Variants in ESRRB observed in about 807,000 individuals in gnomAD.
ESRRB encodes the protein steroid hormone receptor ERR2.
Under a neutral mutation model 46.0 loss-of-function variants are expected in ESRRB, and 16 were observed. The ratio of observed to expected loss-of-function variants is 0.35; its 90% CI spans 0.24 to 0.53. The LOEUF is 0.53. Among genes scored for constraint, ESRRB ranks in the 20% least tolerant of loss-of-function variants. ESRRB has a pLI of 0.93. For synonymous variants in ESRRB, 246 were observed against 259.6 expected (o/e 0.95, Z 0.50); for missense variants, 488 against 607.4 (o/e 0.80, Z 2.07).
At chr14:76,324,162 C>T (rs571623881) in intron 1 of ESRRB, among the ~76,000 whole-genome samples, 6 of 152,304 alleles carry the variant, frequency 3.9e-5, no homozygotes, top group African/African-American at 1.2e-4. Context: ...CGGCAGGAAG[C>T]TAAGCAAAGC....
intron 1 of ESRRB, among the ~76,000 whole-genome samples, chr14:76,327,713 G>A (rs1883952105): frequency 6.6e-6 from 1 of 151,888 alleles, no homozygotes; most frequent in Non-Finnish European, 1.5e-5. Flanking sequence ...TGTTGTTGTT[G>A]TTGCTGAGAC....
chr14:76,317,310 CTGTGTGTGTGTGTGTGTGTGTGTGTG>C (rs4024313), intron 1 of ESRRB, among the ~76,000 whole-genome samples: 1 of 134,444 alleles, frequency 7.4e-6, no homozygotes, highest in Non-Finnish European at 1.6e-5. Context: ...TGATTAGGCT[CTGTGTGTGTGTGTGTGTGTGTGTGTG>C]TGTGTGTGTG....
intron 6 of ESRRB, among the ~76,000 whole-genome samples, chr14:76,492,517 A>T (rs1016144042): frequency 6.6e-6 from 1 of 152,242 alleles, no homozygotes; most frequent in Non-Finnish European, 1.5e-5. Context: ...AAACAACCCA[A>T]GAGTAAAATT....
chr14:76,339,249 G>A (rs991984256), intron 1 of ESRRB, among the ~76,000 whole-genome samples: 7 of 152,162 alleles, frequency 4.6e-5, no homozygotes, highest in Admixed American at 2.6e-4. Flanking sequence ...ACTTGAAATC[G>A]TCAGGTCCTC....
At chr14:76,378,571 G>A (rs920041453) in intron 1 of ESRRB, among the ~76,000 whole-genome samples, 2 of 151,986 alleles carry the variant, frequency 1.3e-5, no homozygotes, top group Admixed American at 6.5e-5. Context: ...TGTCTCCACC[G>A]AGGAATTGAG....
rs554622669 is a variant in ESRRB at position 76,474,670 on chromosome 14, A to G, written c.578-7346A>G. Among the ~76,000 whole-genome samples the G allele has an allele frequency of 2.2e-4, 33 of 151,990 alleles. 1 individual carries two copies. The South Asian group carries it at 4.8e-3, about 22-fold the overall frequency. On this transcript the variant is annotated intron_variant, in intron 3 of 6. Coordinates refer to ENST00000644823, the MANE Select transcript of ESRRB (RefSeq NM_001379180.1). ...AGCCTGGCCAACATGGTGAAACCCT[A>G]TCTCTACAAAATATACAAAAATTAG... is the stretch of plus-strand genomic sequence containing the variant.
At position 76,461,092 on chromosome 14, in the gene ESRRB, C is replaced by G. The variant is rs74904068; in HGVS notation, c.461-1453C>G. On this transcript the variant is annotated intron_variant, in intron 2 of 6. Coordinates refer to ENST00000644823, the MANE Select transcript of ESRRB (RefSeq NM_001379180.1). ...CCAGGCACATTGTAGGTGCTCAATG[C>G]GTATTCGTTAATAAGAGTCAGCAGG... Among the ~76,000 whole-genome samples, 153 of 152,144 alleles carry G rather than the reference C, an allele frequency of 1.0e-3. 1 individual carries two copies. Among genetic ancestry groups the G allele is most frequent in the African/African-American group, 3.3e-3 (137 of 41,502 alleles).
At chr14:76,433,629 G>C (rs73318355) in intron 1 of ESRRB, among the ~76,000 whole-genome samples, 9,657 of 152,068 alleles carry the variant, frequency 0.064, 962 homozygotes, top group African/African-American at 0.22. Flanking sequence ...CCCCTGCTCC[G>C]CCCAGTCCTC....
At chr14:76,496,736 C>T (rs1890445748) in intron 6 of ESRRB, among the ~76,000 whole-genome samples, 1 of 152,160 alleles carries the variant, frequency 6.6e-6, no homozygotes, top group African/African-American at 2.4e-5. Flanking sequence ...AGGCTCAGTG[C>T]ACGGGATGAC....
Position 76,447,262 on chromosome 14 carries a change from C to CTTCCTTCA in ESRRB, c.460+7519_460+7520insATTCCTTC, listed in dbSNP as rs1237642643. ...TAAAGTCTCCTTCCTTCCTTCCTTC[C>CTTCCTTCA]TTCCTTCCTTCCTTCCTTCCTTCCT... On this transcript the variant is annotated intron_variant, in intron 2 of 6. Transcript: ENST00000644823. Among the ~76,000 whole-genome samples, 44 of 114,424 alleles carry CTTCCTTCA rather than the reference C, an allele frequency of 3.8e-4. No individual in the cohort carries two copies. The East Asian group carries it at 8.6e-3, about 22-fold the overall frequency. 75.1% of individuals were successfully genotyped at this position (114,424 alleles called of 152,430 possible). A position where few individuals can be genotyped will look rare whatever the true frequency, so the allele number is the denominator to read the frequency against.
At chr14:76,372,954 C>A (rs373837205), upstream of ESRRB, among the ~76,000 whole-genome samples, 78 of 152,346 alleles carry the variant, frequency 5.1e-4, 2 homozygotes, top group South Asian at 0.016. Context: ...GGGTAGGTCA[C>A]TTCACCACAT....
chr14:76,314,467 T>C (rs934672639), intron 1 of ESRRB, among the ~76,000 whole-genome samples: 2 of 152,166 alleles, frequency 1.3e-5, no homozygotes, highest in African/African-American at 4.8e-5. Context: ...AGGGAGCTCC[T>C]GTGTCGTCTG....
intron 3 of ESRRB, among the ~76,000 whole-genome samples, chr14:76,476,908 C>T (rs748512541): frequency 2.0e-5 from 3 of 152,176 alleles, no homozygotes; most frequent in Non-Finnish European, 4.4e-5. Context: ...AAAGCAAAAC[C>T]GTTCCAGAAG....
chr14:76,313,627 G>A (rs964888054), intron 1 of ESRRB, among the ~76,000 whole-genome samples: 1 of 152,142 alleles, frequency 6.6e-6, no homozygotes, highest in African/African-American at 2.4e-5. Context: ...TAATTCAAAC[G>A]ATTTTACATA....
rs1884763969 is a variant in ESRRB at position 76,376,299 on chromosome 14, G to GTGCCCTGCCCGGGCTCGCACCT, written c.-97_-76dup. 11 of 924,108 alleles carry GTGCCCTGCCCGGGCTCGCACCT rather than the reference G, an allele frequency of 1.2e-5. No individual in the cohort carries two copies. The highest frequency in any genetic ancestry group is 1.4e-6 in the Non-Finnish European group (1 of 707,340). 57.2% of individuals were successfully genotyped at this position (924,108 alleles called of 1,614,324 possible). On this transcript the variant is annotated 5_prime_UTR_variant, in exon 1 of 7. It removes the in-frame stop codon of an upstream open reading frame in the 5' UTR. Coordinates refer to ENST00000644823, the MANE Select transcript of ESRRB (RefSeq NM_001379180.1). The surrounding 1 kb of genome is among the most constrained non-coding windows in gnomAD (Gnocchi z 4.1). ...CCCACTCTGCGTTCTCGCGCTCACT[G>GTGCCCTGCCCGGGCTCGCACCT]TGCCCTGCCCGGGCTCGCACCTTGC... is the stretch of plus-strand genomic sequence containing the variant.
intron 1 of ESRRB, among the ~76,000 whole-genome samples, chr14:76,428,511 G>A (rs1246755873): frequency 1.3e-5 from 2 of 152,136 alleles, no homozygotes; most frequent in Non-Finnish European, 2.9e-5. Flanking sequence ...AGCTGGCCAA[G>A]GCTAGGTGGA....
intron 1 of ESRRB, among the ~76,000 whole-genome samples, chr14:76,405,135 C>T (rs1182942742): frequency 6.6e-6 from 1 of 152,138 alleles, no homozygotes; most frequent in Non-Finnish European, 1.5e-5. Context: ...GGGCCTCTCT[C>T]TGTCACTGAG....
At chr14:76,494,143 G>T (rs1890331786) in intron 6 of ESRRB, among the ~76,000 whole-genome samples, 1 of 152,076 alleles carries the variant, frequency 6.6e-6, no homozygotes, top group Non-Finnish European at 1.5e-5. Context: ...CACTTTTTTA[G>T]TTCAAATCTT....
intron 1 of ESRRB, among the ~76,000 whole-genome samples, chr14:76,315,624 A>G (rs888218694): frequency 6.6e-6 from 1 of 152,220 alleles, no homozygotes; most frequent in Non-Finnish European, 1.5e-5. Context: ...AGGTGTTGAC[A>G]CTTTTATTTG....
Sources: gnomAD v4.1 joint callset for allele counts (sites outside exome capture counted in the v4.1 genomes callset) on GRCh38, gnomAD v4.1.1 for gene constraint, Gnocchi (gnomAD v3.1) non-coding constraint, MANE v1.5 for transcripts, NCBI Gene and HGNC (gene_info 2026-07-23, HGNC 2026-07-21) for gene names.